The following RTN4IP1 variants were observed in gnomAD, a reference collection of about 807,000 sequenced individuals.
RTN4IP1 encodes the protein NAD(P)H oxidoreductase RTN4IP1, mitochondrial.
In RTN4IP1, 32 loss-of-function variants were observed where a neutral mutation model predicts 46.6. That is an observed-to-expected ratio of 0.69 (90% CI 0.52 to 0.92). The LOEUF (loss-of-function observed/expected upper bound fraction) is 0.92, where lower values mean the gene tolerates loss of function less well. RTN4IP1 is among the 40% of genes least tolerant of loss of function. RTN4IP1 has a pLI of 0.00. For missense variants in RTN4IP1, 424 were observed against 485.8 expected (o/e 0.87, Z 1.20); for synonymous variants, 167 against 161.8 (o/e 1.03, Z -0.24).
chr6:106,621,335 A>C, intron 3 of RTN4IP1, 90 bp downstream of exon 3: 1 of 974,558 alleles, frequency 1.0e-6, no homozygotes, highest in Non-Finnish European at 1.6e-6. Context: ...CATCAAACAT[A>C]AACTAGATCT....
At chr6:106,623,119 G>A (rs1776530135) in intron 1 of RTN4IP1, 150 bp from the exon 2 acceptor site, 4 of 739,648 alleles carry the variant, frequency 5.4e-6, no homozygotes, top group Middle Eastern at 4.0e-4. Context: ...TATGTTCACT[G>A]CAACACTATT....
Position 106,604,566 on chromosome 6 carries a change from C to A in RTN4IP1, c.621-1644G>T, listed in dbSNP as rs567276055. ...GCAAAGGGACGATTTCTCTGAAGTTCCCTCAGAAGGAATGCTATTTTCTTG... is the reference window on the plus strand; with the variant it reads ...GCAAAGGGACGATTTCTCTGAAGTTACCTCAGAAGGAATGCTATTTTCTTG... On this transcript the variant is annotated intron_variant, in intron 4 of 8. Transcript: ENST00000369063. Among the ~76,000 whole-genome samples the A allele has an allele frequency of 5.3e-5, 8 of 152,238 alleles. 1 individual carries two copies. In the South Asian group the frequency reaches 1.7e-3, roughly 32 times the overall value.
intron 5 of RTN4IP1, among the ~76,000 whole-genome samples, chr6:106,595,277 G>A (rs1360698392): frequency 6.6e-6 from 1 of 152,120 alleles, no homozygotes; most frequent in East Asian, 1.9e-4. Flanking sequence ...CTGCAACTCG[G>A]CAGATGGATC....
intron 8 of RTN4IP1, among the ~76,000 whole-genome samples, chr6:106,573,890 C>T (rs1214508084): frequency 6.6e-6 from 1 of 152,194 alleles, no homozygotes; most frequent in Non-Finnish European, 1.5e-5. Flanking sequence ...CCTGGTCTCT[C>T]GACCCTGTGT....
At chr6:106,597,174 A>G (rs936334437) in intron 5 of RTN4IP1, among the ~76,000 whole-genome samples, 3 of 152,146 alleles carry the variant, frequency 2.0e-5, no homozygotes, top group African/African-American at 7.2e-5. Flanking sequence ...TGTCTATTCA[A>G]TATGTAATTT....
intron 4 of RTN4IP1, among the ~76,000 whole-genome samples, chr6:106,618,581 C>T (rs189644138): frequency 2.0e-3 from 298 of 152,288 alleles, no homozygotes; most frequent in African/African-American, 6.7e-3. Context: ...GGTCACCCAA[C>T]TGGAAAGCAA....
At position 106,592,390 on chromosome 6, in the gene RTN4IP1, T is replaced by C. The variant is rs1775685572; in HGVS notation, c.670-90A>G. 6 of 1,318,208 alleles carry C rather than the reference T, an allele frequency of 4.6e-6. No homozygotes were observed. In the East Asian group the frequency reaches 1.2e-4, roughly 27 times the overall value. 81.7% of individuals were successfully genotyped at this position (1,318,208 alleles called of 1,614,324 possible). On this transcript the variant is annotated intron_variant, in intron 5 of 8. Coordinates refer to ENST00000369063, the MANE Select transcript of RTN4IP1 (RefSeq NM_032730.5). ...AAAAAAAAATCATTGGCACCATGTA[T>C]ACATATATCAGACTAATCTCTAGAG...
intron 6 of RTN4IP1, among the ~76,000 whole-genome samples, chr6:106,588,168 C>G (rs781143188): frequency 6.6e-6 from 1 of 152,074 alleles, no homozygotes; most frequent in Non-Finnish European, 1.5e-5. Context: ...GTGGTTTTGG[C>G]TCACTACAAT....
In RTN4IP1 at chr6:106,574,912, A is replaced by G. The variant is rs1289027327; in HGVS notation, c.1084-2809T>C. Among the ~76,000 whole-genome samples, 4 of 152,186 alleles carry G rather than the reference A, an allele frequency of 2.6e-5. No individual in the cohort carries two copies. In the East Asian group the frequency reaches 7.7e-4, roughly 29 times the overall value. On this transcript the variant is annotated intron_variant, in intron 8 of 8. Transcript: ENST00000369063. ...CTGGTCAGGCCTATTGTGGCAAATA[A>G]CCCGAGAGGGCTGACCACGGCACAA...
rs1203323901 is a variant in RTN4IP1, at chr6:106,572,059, T to C, written c.1128A>G (p.Pro376=). 6.2e-7 allele frequency: 1 copy of C among 1,614,086 alleles called. No homozygotes were observed. Among genetic ancestry groups the C allele is most frequent in the Non-Finnish European group, 8.5e-7 (1 of 1,179,952 alleles). ...CTCTTTCCACCTTCAGGAAGGCTTC[T>C]GGAACTTTAGAAAAAGGAAAGGTTT... ...IEQTFPFSKV[P]EAFLKVERGH... Residue 376 remains proline, a synonymous_variant, in exon 9 of 9, where the codon CCA becomes CCG. Transcript: ENST00000369063.
chr6:106,603,970 C>T (rs1050612244), intron 4 of RTN4IP1, among the ~76,000 whole-genome samples: 1 of 152,190 alleles, frequency 6.6e-6, no homozygotes, highest in East Asian at 1.9e-4. Flanking sequence ...CTCTTTATGA[C>T]GGCCTACAAA....
chr6:106,602,802 A>C, intron 5 of RTN4IP1, 72 bp downstream of exon 5: 7 of 1,059,126 alleles, frequency 6.6e-6, no homozygotes, highest in Non-Finnish European at 9.7e-6. Flanking sequence ...TTTAAGGAGA[A>C]ATAATGTATC....
chr6:106,622,900 A>C lies in RTN4IP1; in HGVS notation c.344T>G (p.Phe115Cys). The C allele has an allele frequency of 1.2e-6, 2 of 1,614,116 alleles. No homozygotes were observed. Among genetic ancestry groups the C allele is most frequent in the Non-Finnish European group, 1.7e-6 (2 of 1,179,966 alleles). Residue 115 changes from phenylalanine (F) to cysteine (C), a missense_variant, in exon 2 of 9, where the codon TTT becomes TGT. Physicochemically the swap from Phe to Cys is radical, Grantham distance 205 (BLOSUM62 -2). Coordinates refer to ENST00000369063, the MANE Select transcript of RTN4IP1 (RefSeq NM_032730.5). Reference sequence around the variant, plus strand: ...GACATCCCGACCCAGAGTCAGAGGAAATTCTTCTCCTTTGATTTTCACGTG... The same window carrying C: ...GACATCCCGACCCAGAGTCAGAGGACATTCTTCTCCTTTGATTTTCACGTG... ...PLHVKIKGEE[F>C]PLTLGRDVSG...
rs73508206 is a variant in RTN4IP1 at position 106,594,537 on chromosome 6, A to C, written c.670-2237T>G. Among the ~76,000 whole-genome samples, 443 of 152,164 alleles carry C rather than the reference A, an allele frequency of 2.9e-3. 3 individuals carry two copies. The highest frequency in any genetic ancestry group is 0.01 in the African/African-American group (431 of 41,500). ...AAAACAAAAAACAAAAAAAGAAAGA[A>C]AGAAAGAAAACAGCTATAGGGTGAA... On this transcript the variant is annotated intron_variant, in intron 5 of 8. Transcript: ENST00000369063.
chr6:106,623,741 T>A (rs759783687), intron 1 of RTN4IP1, among the ~76,000 whole-genome samples: 52 of 152,376 alleles, frequency 3.4e-4, no homozygotes, highest in South Asian at 6.2e-4. Flanking sequence ...TTTGCTTTGT[T>A]CTTTGAAGAT....
intron 7 of RTN4IP1, 69 bp from the exon 8 acceptor site, chr6:106,583,489 G>A: frequency 1.5e-6 from 2 of 1,294,666 alleles, no homozygotes; most frequent in Non-Finnish European, 2.2e-6. Context: ...CAGATTTAGG[G>A]AAAAGCATTT....
chr6:106,580,086 C>T lies in RTN4IP1; in HGVS notation c.1083+3242G>A, dbSNP rs1156728999. ...AAAATTAGCCGGGCATGGTGGCGGG[C>T]GCCTGTAGTCCCAGCTACTTGGAAG... On this transcript the variant is annotated intron_variant, in intron 8 of 8. Coordinates refer to ENST00000369063, the MANE Select transcript of RTN4IP1 (RefSeq NM_032730.5). Among the ~76,000 whole-genome samples the T allele has an allele frequency of 3.3e-5, 5 of 151,492 alleles. No individual in the cohort carries two copies. The South Asian group carries it at 8.4e-4, about 25-fold the overall frequency.
intron 4 of RTN4IP1, among the ~76,000 whole-genome samples, chr6:106,606,041 T>C (rs1454919049): frequency 6.6e-6 from 1 of 152,012 alleles, no homozygotes; most frequent in African/African-American, 2.4e-5. Flanking sequence ...GATGACATGA[T>C]CTTACATATA....
At chr6:106,579,467 C>T (rs905162068) in intron 8 of RTN4IP1, among the ~76,000 whole-genome samples, 7 of 152,234 alleles carry the variant, frequency 4.6e-5, no homozygotes, top group Admixed American at 2.6e-4. Context: ...ATGCCTAAGA[C>T]TGGATCTCCA....
Sources: allele counts gnomAD v4.1 joint callset (sites outside exome capture counted in the v4.1 genomes callset), GRCh38; gene constraint gnomAD v4.1.1; transcripts MANE v1.5; gene names NCBI Gene and HGNC (gene_info 2026-07-23, HGNC 2026-07-21).